CERS6: variants seen among roughly 807,000 people sequenced by gnomAD.
The protein encoded by CERS6 is LAG1 homolog, ceramide synthase 6.
A neutral mutation model predicts 56.8 loss-of-function variants in CERS6; 26 were observed. The observed-to-expected ratio is 0.46, with a 90% CI of 0.34 to 0.63. The LOEUF (loss-of-function observed/expected upper bound fraction) is 0.63, where lower values mean the gene tolerates loss of function less well. CERS6 is among the 30% of genes least tolerant of loss of function. The pLI is 0.01. For synonymous variants in CERS6, 164 were observed against 173.3 expected, an observed-to-expected ratio of 0.95 and a Z score of 0.42; for missense variants, 415 against 467.5, an observed-to-expected ratio of 0.89 and a Z score of 1.04.
chr2:168,595,974 C>T (rs1039205573), intron 3 of CERS6, among the ~76,000 whole-genome samples: 11 of 150,722 alleles, frequency 7.3e-5, no homozygotes, highest in Admixed American at 4.6e-4. Flanking sequence ...TTAGGCCAGG[C>T]GTGGTGGCTC....
chr2:168,620,036 CACACACACACACACACACACACACACAT>C (rs1204118908), intron 3 of CERS6, among the ~76,000 whole-genome samples: 2 of 142,824 alleles, frequency 1.4e-5, no homozygotes, highest in Admixed American at 1.4e-4. Flanking sequence ...CACACACACA[CACACACACACACACACACACACACACAT>C]ATTTATATAT....
At chr2:168,484,269 C>T (rs1474287436) in intron 1 of CERS6, among the ~76,000 whole-genome samples, 1 of 146,478 alleles carries the variant, frequency 6.8e-6, no homozygotes, top group Non-Finnish European at 1.5e-5. Flanking sequence ...ACAGCCTCCA[C>T]CTCCCGGGTT....
chr2:168,469,573 A>T (rs772251914), intron 1 of CERS6, among the ~76,000 whole-genome samples: 4 of 152,148 alleles, frequency 2.6e-5, no homozygotes, highest in Admixed American at 2.0e-4. Flanking sequence ...GTCAGACAAC[A>T]GTGGTGTCCT....
intron 2 of CERS6, among the ~76,000 whole-genome samples, chr2:168,549,450 C>A (rs1330471192): frequency 6.6e-6 from 1 of 152,126 alleles, no homozygotes; most frequent in Admixed American, 6.5e-5. Context: ...CCTTGGCCAA[C>A]ATGGTGAGAC....
At chr2:168,544,302 T>C (rs183190257) in intron 1 of CERS6, among the ~76,000 whole-genome samples, 124 of 152,330 alleles carry the variant, frequency 8.1e-4, no homozygotes, top group Non-Finnish European at 1.5e-3. Flanking sequence ...ATGACCCTTC[T>C]GGGAAAGAAA....
At chr2:168,556,659 T>C (rs1408867566) in intron 2 of CERS6, among the ~76,000 whole-genome samples, 1 of 152,168 alleles carries the variant, frequency 6.6e-6, no homozygotes, top group East Asian at 1.9e-4. Flanking sequence ...AGTCTTGCTA[T>C]AATCTAGGAA....
rs111704938 is a variant in CERS6, at chr2:168,732,646, A to T, written c.845+14668A>T. On this transcript the variant is annotated intron_variant, in intron 8 of 9. Coordinates refer to ENST00000305747, the MANE Select transcript of CERS6 (RefSeq NM_203463.3). The stretch of plus-strand genomic sequence containing the variant: ...CCCTTACAGCTGTTGTCTGGGTTGA[A>T]CTCTCTTTCAGGCATAGTATGTAGG... 2.2e-4 allele frequency among the ~76,000 whole-genome samples: 34 copies of T among 151,962 alleles called. 1 individual carries two copies. Among genetic ancestry groups the T allele is most frequent in the African/African-American group, 7.3e-4 (30 of 41,364 alleles).
Position 168,769,500 on chromosome 2 carries a change from T to C in CERS6, c.1003-10T>C, listed in dbSNP as rs565003592. The C allele has an allele frequency of 4.4e-5, 69 of 1,573,460 alleles. No individual in the cohort carries two copies. The highest frequency in any genetic ancestry group is 5.7e-5 in the Non-Finnish European group (66 of 1,164,574). On this transcript the variant is annotated splice_polypyrimidine_tract_variant and intron_variant, in intron 9 of 9. Transcript: ENST00000305747. ...GGTGCTGGTTATACTCACCTGCTTC[T>C]ACTCCACAGGTGTCCAAGGATGATC...
chr2:168,518,502 A>G (rs980457606), intron 1 of CERS6, among the ~76,000 whole-genome samples: 26 of 152,088 alleles, frequency 1.7e-4, no homozygotes, highest in African/African-American at 5.8e-4. Context: ...AGAAATCTCT[A>G]TGTATATGTT....
At chr2:168,606,991 G>A (rs1684067790) in intron 3 of CERS6, among the ~76,000 whole-genome samples, 1 of 152,088 alleles carries the variant, frequency 6.6e-6, no homozygotes, top group African/African-American at 2.4e-5. Context: ...ATGCTGCTGT[G>A]GTTCCTGTAC....
chr2:168,601,483 A>G (rs16855585), intron 3 of CERS6, among the ~76,000 whole-genome samples: 1,836 of 151,996 alleles, frequency 0.012, 28 homozygotes, highest in African/African-American at 0.04. Flanking sequence ...TAGTGTTTTC[A>G]TAGTCCAGCC....
intron 6 of CERS6, among the ~76,000 whole-genome samples, chr2:168,707,862 T>C (rs909661919): frequency 1.3e-5 from 2 of 152,154 alleles, no homozygotes; most frequent in Non-Finnish European, 2.9e-5. Flanking sequence ...AACCAAATTA[T>C]TAAAGCTTTA....
At chr2:168,600,210 C>CTCTCTT (rs746353045) in intron 3 of CERS6, among the ~76,000 whole-genome samples, 1 of 145,664 alleles carries the variant, frequency 6.9e-6, no homozygotes, top group Non-Finnish European at 1.5e-5. Context: ...CTCTCTCTCT[C>CTCTCTT]TTTTTTTTTT....
At chr2:168,513,417 G>C (rs1283333726) in intron 1 of CERS6, among the ~76,000 whole-genome samples, 1 of 152,018 alleles carries the variant, frequency 6.6e-6, no homozygotes, top group Non-Finnish European at 1.5e-5. Context: ...ATCATCTTAG[G>C]CTCCTCTTGG....
At chr2:168,505,213 AT>A (rs894410675) in intron 1 of CERS6, among the ~76,000 whole-genome samples, 7 of 151,518 alleles carry the variant, frequency 4.6e-5, no homozygotes, top group African/African-American at 1.7e-4. Flanking sequence ...CTCTGTCTCT[AT>A]AAAAAATGCA....
At chr2:168,665,045 T>G (rs371125860) in intron 4 of CERS6, among the ~76,000 whole-genome samples, 1 of 152,334 alleles carries the variant, frequency 6.6e-6, no homozygotes, top group Non-Finnish European at 1.5e-5. Flanking sequence ...AGCTTCTGTT[T>G]CTTTGAGTTT....
At chr2:168,751,461 C>T (rs1269345860) in intron 8 of CERS6, among the ~76,000 whole-genome samples, 1 of 152,184 alleles carries the variant, frequency 6.6e-6, no homozygotes, top group African/African-American at 2.4e-5. Context: ...TTATCCTTCT[C>T]TCTCACTGCT....
intron 1 of CERS6, among the ~76,000 whole-genome samples, chr2:168,503,771 G>C (rs1303580123): frequency 6.6e-6 from 1 of 152,102 alleles, no homozygotes; most frequent in Non-Finnish European, 1.5e-5. Flanking sequence ...TTGACCTTTT[G>C]GGTCTTTGAA....
At chr2:168,683,850 C>A (rs1686279551) in intron 4 of CERS6, among the ~76,000 whole-genome samples, 1 of 152,084 alleles carries the variant, frequency 6.6e-6, no homozygotes, top group South Asian at 2.1e-4. Flanking sequence ...GCATAGTGTA[C>A]CACGGTGACT....
Sources: allele counts gnomAD v4.1 joint callset (sites outside exome capture counted in the v4.1 genomes callset), GRCh38; gene constraint gnomAD v4.1.1; transcripts MANE v1.5; gene names NCBI Gene and HGNC (gene_info 2026-07-23, HGNC 2026-07-21).